CTNNA2: variants seen among roughly 807,000 people sequenced by gnomAD.
The protein encoded by CTNNA2 is catenin alpha-2.
Under a neutral mutation model 101.0 loss-of-function variants are expected in CTNNA2, and 42 were observed. The ratio of observed to expected loss-of-function variants is 0.42; its 90% CI spans 0.32 to 0.54. CTNNA2 has a LOEUF of 0.54. Among genes scored for constraint, CTNNA2 ranks in the 20% least tolerant of loss-of-function variants. CTNNA2 has a pLI of 0.14. For missense variants in CTNNA2, 871 were observed against 1,223.1 expected (o/e 0.71, Z 4.29); for synonymous variants, 450 against 456.4 (o/e 0.99, Z 0.18).
intron 6 of CTNNA2, among the ~76,000 whole-genome samples, chr2:79,877,042 A>G (rs1014127353): frequency 1.3e-5 from 2 of 151,602 alleles, no homozygotes; most frequent in Non-Finnish European, 2.9e-5. Flanking sequence ...AACTAATTAT[A>G]TTACTTATAA....
At chr2:79,759,511 T>C (rs1334831586) in intron 3 of CTNNA2, among the ~76,000 whole-genome samples, 1 of 152,162 alleles carries the variant, frequency 6.6e-6, no homozygotes, top group Non-Finnish European at 1.5e-5. Flanking sequence ...GTCATTGGGT[T>C]CAACTCTTCG....
At chr2:80,164,280 T>C (rs549592040) in intron 7 of CTNNA2, among the ~76,000 whole-genome samples, 10 of 152,098 alleles carry the variant, frequency 6.6e-5, no homozygotes, top group Admixed American at 6.5e-4. Flanking sequence ...TTTTCTTTTA[T>C]GGAATTCTGT....
rs1691523417 is a variant in CTNNA2 at position 79,983,355 on chromosome 2, C to T, written c.1056+73558C>T. 4.0e-5 allele frequency among the ~76,000 whole-genome samples: 6 copies of T among 151,866 alleles called. No individual in the cohort carries two copies. The South Asian group carries it at 1.2e-3, about 32-fold the overall frequency. ...AACTTATATCCAAATGGAGGAGACA[C>T]ACAATAAATACATAGAAAAATAAAT... On this transcript the variant is annotated intron_variant, in intron 7 of 18. Transcript: ENST00000402739.
chr2:80,114,666 C>T (rs1342622003), intron 7 of CTNNA2, among the ~76,000 whole-genome samples: 1 of 152,202 alleles, frequency 6.6e-6, no homozygotes, highest in Admixed American at 6.5e-5. Context: ...TGGATAGAAG[C>T]TACATTGCAC....
chr2:80,380,573 T>C (rs562869613), intron 7 of CTNNA2, among the ~76,000 whole-genome samples: 4 of 152,308 alleles, frequency 2.6e-5, no homozygotes, highest in African/African-American at 2.4e-5. Flanking sequence ...GTGAGATATA[T>C]GCGCAATCTG....
intron 1 of CTNNA2, among the ~76,000 whole-genome samples, chr2:79,596,570 GAGAA>G (rs1677203185): frequency 6.6e-6 from 1 of 152,218 alleles, no homozygotes; most frequent in Admixed American, 6.5e-5. Flanking sequence ...GCAACCCTGT[GAGAA>G]AGAAAAGCCT....
At chr2:80,397,039 A>C (rs1573941102) in intron 8 of CTNNA2, among the ~76,000 whole-genome samples, 1 of 152,238 alleles carries the variant, frequency 6.6e-6, no homozygotes, top group Admixed American at 6.5e-5. Flanking sequence ...ATTGGATGGA[A>C]TGTTTAAAGG....
intron 3 of CTNNA2, among the ~76,000 whole-genome samples, chr2:79,346,046 T>G (rs1344619584): frequency 6.6e-6 from 1 of 152,070 alleles, no homozygotes; most frequent in Non-Finnish European, 1.5e-5. Context: ...GGAGCTAATC[T>G]GTGTATATTG....
At chr2:80,558,443 GGTGT>G (rs71931933) in intron 12 of CTNNA2, among the ~76,000 whole-genome samples, 7 of 147,656 alleles carry the variant, frequency 4.7e-5, no homozygotes, top group African/African-American at 1.3e-4. Flanking sequence ...AAGTTTTGTT[GGTGT>G]GTGTGTGTGT....
At chr2:79,911,329 A>G (rs986569372) in intron 7 of CTNNA2, among the ~76,000 whole-genome samples, 1 of 152,256 alleles carries the variant, frequency 6.6e-6, no homozygotes, top group Non-Finnish European at 1.5e-5. Flanking sequence ...TAGTGGTTCT[A>G]TTAATGAATA....
chr2:79,949,548 A>C (rs1558666878), intron 7 of CTNNA2, among the ~76,000 whole-genome samples: 1 of 152,152 alleles, frequency 6.6e-6, no homozygotes. Flanking sequence ...CAGGAGGATC[A>C]CTTGAGCCCA....
At chr2:79,588,462 A>C (rs948776541) in intron 1 of CTNNA2, among the ~76,000 whole-genome samples, 5 of 152,206 alleles carry the variant, frequency 3.3e-5, no homozygotes, top group Admixed American at 2.0e-4. Flanking sequence ...TAGCATTGCT[A>C]TCTGTACTAG....
intron 2 of CTNNA2, among the ~76,000 whole-genome samples, chr2:79,259,451 G>T (rs903033158): frequency 6.6e-6 from 1 of 152,208 alleles, no homozygotes; most frequent in Admixed American, 6.5e-5. Context: ...AACAGGAAAA[G>T]AATCTGAGAT....
chr2:79,247,703 G>A (rs753083957), intron 2 of CTNNA2, among the ~76,000 whole-genome samples: 3 of 152,302 alleles, frequency 2.0e-5, no homozygotes, highest in South Asian at 4.1e-4. Flanking sequence ...AGACTCTTGA[G>A]ATAGGGAGAT....
chr2:80,405,993 G>A (rs1467518974), intron 8 of CTNNA2, among the ~76,000 whole-genome samples: 2 of 152,160 alleles, frequency 1.3e-5, no homozygotes, highest in African/African-American at 4.8e-5. Flanking sequence ...TTTCAACAAG[G>A]ATCAGGCTGC....
At chr2:80,619,046 C>G in intron 17 of CTNNA2, 39 bp from the exon 18 acceptor site, 1 of 1,234,662 alleles carries the variant, frequency 8.1e-7, no homozygotes, top group Non-Finnish European at 1.1e-6. Flanking sequence ...CTTTTGCTCT[C>G]TCTCTCATTC....
At chr2:79,436,757 G>A (rs1376886507) in intron 4 of CTNNA2, among the ~76,000 whole-genome samples, 2 of 151,732 alleles carry the variant, frequency 1.3e-5, no homozygotes, top group South Asian at 2.1e-4. Context: ...TCAGCCTCCC[G>A]AGTATCTGGG....
rs568408726 is a variant in CTNNA2 at position 79,515,190 on chromosome 2, T to C, written c.-6+1983T>C. The stretch of plus-strand genomic sequence containing the variant: ...ATTACCAGTGTTACCAACATCCTGA[T>C]GCAGATTGCAGTCAACCCTGTGTGT... On this transcript the variant is annotated intron_variant, in intron 1 of 18. Coordinates refer to ENST00000402739, the MANE Select transcript of CTNNA2 (RefSeq NM_001282597.3). 3.3e-5 allele frequency among the ~76,000 whole-genome samples: 5 copies of C among 152,346 alleles called. No individual in the cohort carries two copies. In the South Asian group the frequency reaches 6.2e-4, roughly 19 times the overall value.
chr2:80,526,929 C>T (rs1479259345), intron 9 of CTNNA2, among the ~76,000 whole-genome samples: 3 of 152,172 alleles, frequency 2.0e-5, no homozygotes, highest in Non-Finnish European at 4.4e-5. Context: ...ATCCTTTTGT[C>T]ACCCTTCTAA....
Sources: allele counts gnomAD v4.1 joint callset (sites outside exome capture counted in the v4.1 genomes callset), GRCh38; gene constraint gnomAD v4.1.1; transcripts MANE v1.5; gene names NCBI Gene and HGNC (gene_info 2026-07-23, HGNC 2026-07-21).